Variants in MAML3 observed in about 807,000 individuals in gnomAD.
MAML3 encodes the protein mastermind-like protein 3.
A neutral mutation model predicts 101.9 loss-of-function variants in MAML3; 27 were observed. That is an observed-to-expected ratio of 0.27 (90% CI 0.20 to 0.37). The LOEUF is 0.37. Among genes scored for constraint, MAML3 ranks in the 10% least tolerant of loss-of-function variants. MAML3 has a pLI of 1.00. For missense variants in MAML3, 1,316 were observed against 1,444.9 expected, an observed-to-expected ratio of 0.91 and a Z score of 1.45; for synonymous variants, 501 against 555.9, an observed-to-expected ratio of 0.90 and a Z score of 1.39.
At chr4:140,088,338 T>C (rs549491758) in intron 1 of MAML3, among the ~76,000 whole-genome samples, 135 of 152,290 alleles carry the variant, frequency 8.9e-4, no homozygotes, top group African/African-American at 3.2e-3. Flanking sequence ...CCCTATCCCC[T>C]TCTTTCAGAC....
chr4:140,119,605 C>CCCTTCCTTCCTT (rs146573388), intron 1 of MAML3, among the ~76,000 whole-genome samples: 1 of 108,536 alleles, frequency 9.2e-6, no homozygotes, highest in Non-Finnish European at 1.8e-5. Flanking sequence ...CTCCCTCCCT[C>CCCTTCCTTCCTT]CCTCCCTTCC....
intron 2 of MAML3, among the ~76,000 whole-genome samples, chr4:139,887,475 A>C (rs189965597): frequency 9.2e-5 from 14 of 152,364 alleles, no homozygotes; most frequent in Admixed American, 8.5e-4. Context: ...GAGCTCTTTC[A>C]AAACATGACC....
chr4:139,891,061 A>C, intron 1 of MAML3, 94 bp from the exon 2 acceptor site: 1 of 1,401,402 alleles, frequency 7.1e-7, no homozygotes, highest in Non-Finnish European at 9.5e-7. Context: ...CTAACTTTTA[A>C]GTGGTTTACG....
At chr4:140,146,296 T>C (rs563151351) in intron 1 of MAML3, among the ~76,000 whole-genome samples, 1 of 152,302 alleles carries the variant, frequency 6.6e-6, no homozygotes, top group Admixed American at 6.5e-5. Context: ...GCTGTGCTTC[T>C]GTCCCAAATG....
At chr4:139,962,008 TGA>T (rs1734023928) in intron 1 of MAML3, among the ~76,000 whole-genome samples, 1 of 152,130 alleles carries the variant, frequency 6.6e-6, no homozygotes, top group African/African-American at 2.4e-5. Flanking sequence ...CCCAGCTACT[TGA>T]GAGGCTGGAG....
rs772441570 is a variant in MAML3 at position 139,785,989 on chromosome 4, T to G, written c.2080-55322A>C. On this transcript the variant is annotated intron_variant, in intron 2 of 4. Transcript: ENST00000509479. This position sits in a 1 kb window ranked among gnomAD's most constrained non-coding sequence, Gnocchi z 4.3. ...TATGTTGAAGTCCTAACCCCCAATA[T>G]CTCAGAATGTGACTGTATTTGGAGA... 2.6e-5 allele frequency among the ~76,000 whole-genome samples: 4 copies of G among 152,106 alleles called. No individual in the cohort carries two copies. Among genetic ancestry groups the G allele is most frequent in the Non-Finnish European group, 5.9e-5 (4 of 68,010 alleles).
At chr4:140,140,364 CTCTT>C (rs1224430475) in intron 1 of MAML3, among the ~76,000 whole-genome samples, 1 of 151,978 alleles carries the variant, frequency 6.6e-6, no homozygotes, top group African/African-American at 2.4e-5. Flanking sequence ...AAAAAAGAAT[CTCTT>C]AATTTATCAT....
At chr4:139,798,707 C>T (rs1214643699) in intron 2 of MAML3, among the ~76,000 whole-genome samples, 4 of 152,206 alleles carry the variant, frequency 2.6e-5, no homozygotes, top group African/African-American at 9.6e-5. Context: ...ACACCACTTC[C>T]TCCTAGTACA....
intron 1 of MAML3, among the ~76,000 whole-genome samples, chr4:139,958,154 T>G (rs1173547734): frequency 6.6e-6 from 1 of 152,206 alleles, no homozygotes; most frequent in Non-Finnish European, 1.5e-5. Flanking sequence ...ACGTTATCAC[T>G]CTTTATTTAT....
At chr4:140,138,072 G>T (rs924860429) in intron 1 of MAML3, among the ~76,000 whole-genome samples, 1 of 152,090 alleles carries the variant, frequency 6.6e-6, no homozygotes, top group East Asian at 1.9e-4. Context: ...CACTAAAAAA[G>T]CAATAGCCCA....
intron 1 of MAML3, among the ~76,000 whole-genome samples, chr4:139,935,297 G>A (rs914133628): frequency 1.3e-5 from 2 of 150,072 alleles, no homozygotes; most frequent in African/African-American, 4.9e-5. Flanking sequence ...TCAGCCATAA[G>A]TGCAATAAAT....
chr4:139,768,429 A>G (rs957295875), intron 2 of MAML3, among the ~76,000 whole-genome samples: 1 of 152,216 alleles, frequency 6.6e-6, no homozygotes, highest in East Asian at 1.9e-4. Context: ...TCTGATAAGT[A>G]TCTTGATTCT....
At chr4:139,886,897 C>G (rs1732352364) in intron 2 of MAML3, among the ~76,000 whole-genome samples, 2 of 152,106 alleles carry the variant, frequency 1.3e-5, no homozygotes, top group Non-Finnish European at 2.9e-5. Context: ...GCATTTTATA[C>G]AAATGTTCCA....
At chr4:140,068,558 AC>A (rs1290792936) in intron 1 of MAML3, among the ~76,000 whole-genome samples, 2 of 152,054 alleles carry the variant, frequency 1.3e-5, no homozygotes, top group African/African-American at 2.4e-5. Flanking sequence ...CCAGGAGCTC[AC>A]TCTCCCAGTG....
intron 1 of MAML3, among the ~76,000 whole-genome samples, chr4:139,913,668 C>T (rs1009489791): frequency 3.9e-5 from 6 of 152,086 alleles, no homozygotes; most frequent in Non-Finnish European, 7.3e-5. Flanking sequence ...GGGGTGTCAG[C>T]GCTGCACTGA....
intron 1 of MAML3, among the ~76,000 whole-genome samples, chr4:139,909,331 A>T (rs73854888): frequency 0.019 from 2,837 of 152,344 alleles, 88 homozygotes; most frequent in African/African-American, 0.063. Context: ...AACTGCATGA[A>T]TATTTAACGA....
chr4:140,055,767 G>A (rs1340944414), intron 1 of MAML3, among the ~76,000 whole-genome samples: 1 of 151,966 alleles, frequency 6.6e-6, no homozygotes, highest in East Asian at 1.9e-4. Context: ...GTCAGGCAGT[G>A]CTCTAAGTAC....
intron 1 of MAML3, among the ~76,000 whole-genome samples, chr4:140,118,306 C>G (rs1454087159): frequency 6.6e-6 from 1 of 152,100 alleles, no homozygotes; most frequent in East Asian, 1.9e-4. Context: ...CTTAGCCTCT[C>G]TGCGCCTCAG....
At chr4:139,796,326 T>C (rs1029863229) in intron 2 of MAML3, among the ~76,000 whole-genome samples, 1 of 152,202 alleles carries the variant, frequency 6.6e-6, no homozygotes, top group Non-Finnish European at 1.5e-5. Context: ...GTGGGGCCAA[T>C]TTACAGCAGG....
Sources: gnomAD v4.1 joint callset for allele counts (sites outside exome capture counted in the v4.1 genomes callset) on GRCh38, gnomAD v4.1.1 for gene constraint, Gnocchi (gnomAD v3.1) non-coding constraint, MANE v1.5 for transcripts, NCBI Gene and HGNC (gene_info 2026-07-23, HGNC 2026-07-21) for gene names.